Variants in SH2B2 observed in about 807,000 individuals in gnomAD.
SH2B2 encodes the protein SH2B adapter protein 2.
SH2B2 carries 37 observed loss-of-function variants against 35.7 expected under a neutral mutation model. That is an observed-to-expected ratio of 1.04 (90% CI 0.80 to 1.36). The LOEUF (loss-of-function observed/expected upper bound fraction) is 1.36. SH2B2 is among the 40% of genes most tolerant of loss of function. The probability of loss-of-function intolerance (pLI) is 0.00; values close to 1 mark genes in which losing one functional copy is unlikely to be tolerated. For synonymous variants in SH2B2, 383 were observed against 376.4 expected, an observed-to-expected ratio of 1.02 and a Z score of -0.20; for missense variants, 852 against 817.7, an observed-to-expected ratio of 1.04 and a Z score of -0.51.
At chr7:102,291,829 G>A (rs1450538067) in intron 1 of SH2B2, among the ~76,000 whole-genome samples, 2 of 152,352 alleles carry the variant, frequency 1.3e-5, no homozygotes, top group Admixed American at 6.5e-5. Context: ...CTGCAGGGGA[G>A]AGAGAGACTC....
upstream of SH2B2, chr7:102,285,237 T>C: frequency 1.3e-6 from 2 of 1,551,026 alleles, no homozygotes; most frequent in Non-Finnish European, 1.7e-6. Flanking sequence ...GCAGTGGAGT[T>C]CAGCCCACTA....
At chr7:102,288,524 C>A (rs1238622441) in intron 1 of SH2B2, among the ~76,000 whole-genome samples, 1 of 151,928 alleles carries the variant, frequency 6.6e-6, no homozygotes, top group African/African-American at 2.4e-5. Context: ...TTCTTTTTAC[C>A]CTTGTTGTGA....
Position 102,300,861 on chromosome 7 carries a change from CCT to C in SH2B2, c.314_315del (p.Ser105CysfsTer153). The C allele has an allele frequency of 6.8e-7, 1 of 1,462,622 alleles. No homozygotes were observed. The highest frequency in any genetic ancestry group is 9.0e-7 in the Non-Finnish European group (1 of 1,108,014). 90.6% of individuals were successfully genotyped at this position (1,462,622 alleles called of 1,614,324 possible). ...GCCATGGAGCCGGAGCTCGCGGACA[CCT>C]CTGCACTCAAGGCGGCGCCCTACGG... On this transcript the variant is annotated frameshift_variant, in exon 2 of 9. Coordinates refer to ENST00000444095, the MANE Select transcript of SH2B2 (RefSeq NM_001359228.2). LOFTEE classifies it high-confidence loss of function.
At chr7:102,307,338 G>A (rs1554555092) in intron 3 of SH2B2, among the ~76,000 whole-genome samples, 1 of 152,208 alleles carries the variant, frequency 6.6e-6, no homozygotes. Flanking sequence ...AGGGGTTTCT[G>A]AGGACACGGC....
At position 102,317,201 on chromosome 7, in the gene SH2B2, G is replaced by C; in HGVS notation, c.1201G>C (p.Glu401Gln). Reference protein sequence around the residue: ...DSNNTGEQGAETDPEAEPELE... With the variant: ...DSNNTGEQGAQTDPEAEPELE... ...CCCCACCTCAGGGGAACAGGGTGCA[G>C]AGACGGATCCCGAGGCTGAACCCGA... The change falls in exon 7 of 9, where the codon GAG (glutamate) becomes CAG (glutamine). Residue 401 changes from glutamate (E) to glutamine (Q), a missense_variant. By Grantham distance (29) the Glu-to-Gln change is conservative. This residue lies in a region of SH2B2 where 556 missense variants were observed against 514.5 expected (regional missense o/e 1.08). Coordinates refer to ENST00000444095, the MANE Select transcript of SH2B2 (RefSeq NM_001359228.2). 1 of 1,604,090 alleles carries C rather than the reference G, an allele frequency of 6.2e-7. No homozygotes were observed. Among genetic ancestry groups the C allele is most frequent in the South Asian group, 1.1e-5 (1 of 89,230 alleles).
At chr7:102,309,326 A>G (rs976255957) in intron 4 of SH2B2, 23 of 360,332 alleles carry the variant, frequency 6.4e-5, no homozygotes, top group Non-Finnish European at 1.1e-4. Context: ...AGCCTGGGCA[A>G]CATAGCCAGA....
chr7:102,295,464 G>A (rs369500922), intron 1 of SH2B2, among the ~76,000 whole-genome samples: 5 of 152,200 alleles, frequency 3.3e-5, no homozygotes, highest in South Asian at 2.1e-4. Context: ...GCCTGGGCTC[G>A]TGACCTTCCC....
intron 1 of SH2B2, among the ~76,000 whole-genome samples, chr7:102,296,375 C>T (rs781859021): frequency 5.3e-5 from 8 of 152,178 alleles, no homozygotes; most frequent in Admixed American, 2.0e-4. Context: ...GGAGGACAGG[C>T]GAGGGCATGA....
intron 1 of SH2B2, among the ~76,000 whole-genome samples, chr7:102,290,430 A>G (rs1358153958): frequency 6.6e-6 from 1 of 151,794 alleles, no homozygotes; most frequent in Non-Finnish European, 1.5e-5. Flanking sequence ...ACGCCTGGCT[A>G]ATTTTTGTAT....
chr7:102,291,625 G>T (rs1339721556), intron 1 of SH2B2, among the ~76,000 whole-genome samples: 2 of 152,220 alleles, frequency 1.3e-5, no homozygotes, highest in African/African-American at 4.8e-5. Flanking sequence ...CTGCCGGGGT[G>T]GTGGAGTGAG....
intron 4 of SH2B2, among the ~76,000 whole-genome samples, chr7:102,313,528 C>G (rs1793705300): frequency 6.6e-6 from 1 of 152,160 alleles, no homozygotes; most frequent in African/African-American, 2.4e-5. Context: ...CTCAAGTGAT[C>G]CTCCCACCTC....
At chr7:102,309,353 CTCTT>C (rs1321232917) in intron 4 of SH2B2, 30 of 272,020 alleles carry the variant, frequency 1.1e-4, no homozygotes, top group South Asian at 2.7e-4. Flanking sequence ...CTCTCTCTCT[CTCTT>C]TTTTTTTTTT....
intron 6 of SH2B2, among the ~76,000 whole-genome samples, chr7:102,315,744 GAAAAAAAA>G (rs61456197): frequency 5.5e-5 from 5 of 90,588 alleles, no homozygotes; most frequent in East Asian, 3.7e-4. Flanking sequence ...CCTGTGAAAA[GAAAAAAAA>G]AAAAAAAAAA....
In SH2B2 at chr7:102,321,621, C is replaced by T. The variant is rs1337300625; in HGVS notation, c.1890C>T (p.Ser630=). ...GRARAVENQY[S]FY is the part of the protein sequence containing the mutation. Reference sequence around the variant, plus strand: ...CGCGCGCCGTGGAGAACCAGTACTCCTTCTACTAGCCCGCGGCGCCGCCCG... The same window carrying T: ...CGCGCGCCGTGGAGAACCAGTACTCTTTCTACTAGCCCGCGGCGCCGCCCG... The change falls in exon 9 of 9, where the codon TCC becomes TCT. Residue 630 remains serine, a synonymous_variant. Transcript: ENST00000444095. The T allele has an allele frequency of 2.5e-5, 29 of 1,152,324 alleles. No individual in the cohort carries two copies. Among genetic ancestry groups the T allele is most frequent in the Non-Finnish European group, 2.8e-5 (26 of 936,088 alleles). 71.4% of individuals were successfully genotyped at this position (1,152,324 alleles called of 1,614,324 possible).
At position 102,315,057 on chromosome 7, in the gene SH2B2, T is replaced by G. The variant is rs1490460476; in HGVS notation, c.1186+375T>G. ...TATAAAAATTAGCTGGGTGTGGTGG[T>G]GCACACATGTACTCACAGCTACTCG... On this transcript the variant is annotated intron_variant, in intron 6 of 8. Transcript: ENST00000444095. Among the ~76,000 whole-genome samples the G allele has an allele frequency of 3.3e-5, 5 of 152,046 alleles. No individual in the cohort carries two copies. In the East Asian group the frequency reaches 9.8e-4, roughly 30 times the overall value.
Position 102,286,981 on chromosome 7 carries a change from A to G in SH2B2, c.-143A>G, listed in dbSNP as rs1217672910. On this transcript the variant is annotated 5_prime_UTR_variant, in exon 1 of 9. Coordinates refer to ENST00000444095, the MANE Select transcript of SH2B2 (RefSeq NM_001359228.2). ...GAGCCTTCGAGGCGGTGAACGAGGG[A>G]GGGAGCCCAGTCCGCCGCGGGCCAT... 1 of 148,298 alleles carries G rather than the reference A, an allele frequency of 6.7e-6. No homozygotes were observed. The highest frequency in any genetic ancestry group is 1.5e-5 in the Non-Finnish European group (1 of 67,198). 9.2% of individuals were successfully genotyped at this position (148,298 alleles called of 1,614,324 possible).
intron 8 of SH2B2, among the ~76,000 whole-genome samples, chr7:102,321,054 G>A (rs910827978): frequency 6.6e-6 from 1 of 152,176 alleles, no homozygotes; most frequent in Non-Finnish European, 1.5e-5. Context: ...TGTGCATTAT[G>A]TATGCGTGTG....
At chr7:102,313,001 T>C (rs1447494233) in intron 4 of SH2B2, among the ~76,000 whole-genome samples, 5 of 151,726 alleles carry the variant, frequency 3.3e-5, no homozygotes, top group Admixed American at 2.0e-4. Flanking sequence ...TGGTGGTACA[T>C]GCCTGTAATA....
rs1357736552 is a variant in SH2B2, at chr7:102,286,932, G to C, written c.-192G>C. On this transcript the variant is annotated 5_prime_UTR_variant, in exon 1 of 9. Coordinates refer to ENST00000444095, the MANE Select transcript of SH2B2 (RefSeq NM_001359228.2). Reference sequence around the variant, plus strand: ...GCTGCCAGAGAGCCGCGCGGGGGACGCGCCGGGACCGCGAGGAGCGCAGGA... The same window carrying C: ...GCTGCCAGAGAGCCGCGCGGGGGACCCGCCGGGACCGCGAGGAGCGCAGGA... The C allele has an allele frequency of 6.7e-6, 1 of 149,150 alleles. No homozygotes were observed. The highest frequency in any genetic ancestry group is 1.5e-5 in the Non-Finnish European group (1 of 67,132). The allele number at this position is 149,150 out of a possible 1,614,324, so 9.2% of individuals were successfully genotyped here. A position where few individuals can be genotyped will look rare whatever the true frequency, so the allele number is the denominator to read the frequency against.
Sources: gnomAD v4.1 joint callset for allele counts (sites outside exome capture counted in the v4.1 genomes callset) on GRCh38, gnomAD v4.1.1 for gene constraint, gnomAD v4.1.1 regional missense constraint, MANE v1.5 for transcripts, NCBI Gene and HGNC (gene_info 2026-07-23, HGNC 2026-07-21) for gene names.